Variants in OTUD4 observed in about 807,000 individuals in gnomAD.
OTUD4 encodes the protein OTU domain-containing protein 4.
In OTUD4, 24 loss-of-function variants were observed where a neutral mutation model predicts 130.4. That is an observed-to-expected ratio of 0.18 (90% CI 0.13 to 0.26). The LOEUF is 0.26. Ranked by LOEUF, OTUD4 falls within the 10% of genes least tolerant of loss-of-function variation. OTUD4 has a pLI of 1.00. For missense variants in OTUD4, 1,031 were observed against 1,329.4 expected (o/e 0.78, Z 3.49); for synonymous variants, 420 against 472.5 (o/e 0.89, Z 1.44).
chr4:145,141,321 C>A, intron 19 of OTUD4, 58 bp downstream of exon 19: 1 of 1,468,704 alleles, frequency 6.8e-7, no homozygotes, highest in Non-Finnish European at 9.1e-7. Context: ...CTCTTCATTT[C>A]TTAACTAAGC....
chr4:145,173,521 A>T (rs1752279898), intron 2 of OTUD4, among the ~76,000 whole-genome samples: 1 of 152,240 alleles, frequency 6.6e-6, no homozygotes, highest in South Asian at 2.1e-4. Context: ...TCTGGGGCCA[A>T]TGATTAATAA....
In OTUD4 at chr4:145,159,220, A is replaced by G. The variant is rs1420200735; in HGVS notation, c.629+283T>C. ...TTAACTTTAAAATTTTACAATACAC[A>G]CACATATAGGTAGGACCAAATTTAT... On this transcript the variant is annotated intron_variant, in intron 7 of 20. Coordinates refer to ENST00000447906, the MANE Select transcript of OTUD4 (RefSeq NM_001366057.1). The G allele has an allele frequency of 5.3e-6, 6 of 1,136,918 alleles. No homozygotes were observed. In the African/African-American group the frequency reaches 8.2e-5, roughly 16 times the overall value. The allele number at this position is 1,136,918 out of a possible 1,614,324, so 70.4% of individuals were successfully genotyped here.
intron 1 of OTUD4, among the ~76,000 whole-genome samples, chr4:145,179,178 A>T (rs943959214): frequency 1.1e-4 from 16 of 152,302 alleles, no homozygotes; most frequent in Admixed American, 1.3e-4. Context: ...AGGCTTTTTT[A>T]AAAAAGTCAG....
chr4:145,155,154 A>G (rs1442743593), intron 10 of OTUD4, among the ~76,000 whole-genome samples: 1 of 152,240 alleles, frequency 6.6e-6, no homozygotes, highest in Non-Finnish European at 1.5e-5. Flanking sequence ...CTTTGAACCA[A>G]GTAATACCAA....
chr4:145,145,529 C>A (rs1367374078), intron 14 of OTUD4, among the ~76,000 whole-genome samples: 1 of 152,048 alleles, frequency 6.6e-6, no homozygotes, highest in Non-Finnish European at 1.5e-5. Context: ...CCGTAACAGT[C>A]CATTATTTAT....
rs147236665 is a variant in OTUD4 at position 145,141,451 on chromosome 4, A to C, written c.2011T>G (p.Cys671Gly). 6 of 1,613,596 alleles carry C rather than the reference A, an allele frequency of 3.7e-6. No individual in the cohort carries two copies. Among genetic ancestry groups the C allele is most frequent in the Non-Finnish European group, 5.1e-6 (6 of 1,179,750 alleles). The change falls in exon 19 of 21, where the codon TGT becomes GGT. Residue 671 changes from cysteine to glycine, a missense_variant. Coordinates refer to ENST00000447906, the MANE Select transcript of OTUD4 (RefSeq NM_001366057.1). ...YQDPLYPGFP[C>G]NEKGDRAIVP... Reference sequence around the variant, plus strand: ...ATGGCTCGATCTCCCTTTTCATTACAAGGAAACCCAGGATAGAGTGGGTCT... The same window carrying C: ...ATGGCTCGATCTCCCTTTTCATTACCAGGAAACCCAGGATAGAGTGGGTCT...
At chr4:145,142,790 T>C (rs1168449042) in intron 17 of OTUD4, among the ~76,000 whole-genome samples, 2 of 152,284 alleles carry the variant, frequency 1.3e-5, no homozygotes, top group Admixed American at 6.5e-5. Context: ...TGTAACTATA[T>C]GCTTTCTTAC....
intron 2 of OTUD4, among the ~76,000 whole-genome samples, chr4:145,172,509 C>A (rs930734937): frequency 1.3e-5 from 2 of 152,186 alleles, no homozygotes; most frequent in African/African-American, 4.8e-5. Context: ...AATAACACAA[C>A]CTTTTTTATG....
chr4:145,142,232 C>A lies in OTUD4; in HGVS notation c.1786G>T (p.Ala596Ser). ...AAAGTTGTAGGTTCACTTGGCCAGG[C>A]TGGCACAGTGGCTGGTAAAGAAGGC... ...AVPSLPATVPAWPSEPTTFGP... is the reference protein window; with the variant it reads ...AVPSLPATVPSWPSEPTTFGP... Residue 596 changes from alanine to serine, a missense_variant, in exon 18 of 21, where the codon GCC becomes TCC. By Grantham distance (99) the Ala-to-Ser change is moderately conservative. Transcript: ENST00000447906. 6.2e-7 allele frequency: 1 copy of A among 1,614,048 alleles called. No homozygotes were observed. Among genetic ancestry groups the A allele is most frequent in the East Asian group, 2.2e-5 (1 of 44,870 alleles).
rs1338013438 is a variant in OTUD4 at position 145,155,315 on chromosome 4, TAAC to T, written c.873+93_873+95del. 4.4e-6 allele frequency: 4 copies of T among 909,740 alleles called. No individual in the cohort carries two copies. The African/African-American group carries it at 6.7e-5, about 15-fold the overall frequency. 56.4% of individuals were successfully genotyped at this position (909,740 alleles called of 1,614,324 possible). The stretch of plus-strand genomic sequence containing the variant: ...ATAAATATATTCTGAAATCCCAAAT[TAAC>T]AACACATTCACACCTCAGCTGTTTT... On this transcript the variant is annotated intron_variant, in intron 10 of 20. Transcript: ENST00000447906.
At chr4:145,167,459 C>A (rs374647902) in intron 3 of OTUD4, among the ~76,000 whole-genome samples, 14 of 152,286 alleles carry the variant, frequency 9.2e-5, no homozygotes, top group South Asian at 4.1e-4. Flanking sequence ...AGAAGTGATA[C>A]CCTCTGGTGT....
intron 7 of OTUD4, 120 bp downstream of exon 7, chr4:145,159,376 CTGTATTT>C (rs1338232981): frequency 2.0e-6 from 3 of 1,530,706 alleles, no homozygotes; most frequent in Non-Finnish European, 2.6e-6. Flanking sequence ...CAGCAGACTG[CTGTATTT>C]TATGAATACC....
chr4:145,145,861 T>C (rs1005539073), intron 14 of OTUD4, among the ~76,000 whole-genome samples: 1 of 152,242 alleles, frequency 6.6e-6, no homozygotes, highest in African/African-American at 2.4e-5. Flanking sequence ...TGACATGTGC[T>C]ACCACCTCCA....
chr4:145,145,258 A>T (rs1750764619), intron 14 of OTUD4, among the ~76,000 whole-genome samples: 1 of 152,228 alleles, frequency 6.6e-6, no homozygotes, highest in Admixed American at 6.5e-5. Context: ...ATAACACATG[A>T]CATGAGAGAT....
intron 2 of OTUD4, among the ~76,000 whole-genome samples, chr4:145,172,410 T>G (rs751311474): frequency 7.9e-5 from 12 of 152,358 alleles, no homozygotes; most frequent in Non-Finnish European, 1.2e-4. Context: ...GCGAAAAATA[T>G]TTTGAAGCAT....
intron 7 of OTUD4, among the ~76,000 whole-genome samples, chr4:145,157,441 C>A (rs919004607): frequency 2.0e-5 from 3 of 152,158 alleles, no homozygotes; most frequent in Non-Finnish European, 4.4e-5. Flanking sequence ...GTAATCCCAA[C>A]ACTTTGGGAG....
Position 145,143,402 on chromosome 4 carries a change from T to C in OTUD4, c.1646A>G (p.Lys549Arg). 6.2e-7 allele frequency: 1 copy of C among 1,611,606 alleles called. No homozygotes were observed. Among genetic ancestry groups the C allele is most frequent in the Admixed American group, 1.7e-5 (1 of 59,958 alleles). The change falls in exon 17 of 21, where the codon AAG becomes AGG. Residue 549 changes from lysine to arginine, a missense_variant. Lys to Arg is a conservative substitution (Grantham distance 26). Transcript: ENST00000447906. ...AGAAGGGCACTCTAACTTCTTTGAC[T>C]TTGATGGTGATGAAACTGTTGCATA... ...DKYATVSSPS[K>R]SKKLECPSPA...
intron 20 of OTUD4, among the ~76,000 whole-genome samples, chr4:145,139,035 G>C (rs1308726405): frequency 2.0e-5 from 3 of 152,126 alleles, no homozygotes; most frequent in Admixed American, 2.0e-4. Flanking sequence ...AAGAGTAGAT[G>C]ATCTCCAATG....
rs538364752 is a variant in OTUD4, at chr4:145,149,332, T to C, written c.1259+1181A>G. Among the ~76,000 whole-genome samples the C allele has an allele frequency of 4.6e-5, 7 of 152,284 alleles. No homozygotes were observed. The South Asian group carries it at 1.5e-3, about 32-fold the overall frequency. Reference sequence around the variant, plus strand: ...TCCCCTAGAGCCTTCGGAGACAGCATGGCCCTGGCAACAACTTGATTTCAG... The same window carrying C: ...TCCCCTAGAGCCTTCGGAGACAGCACGGCCCTGGCAACAACTTGATTTCAG... On this transcript the variant is annotated intron_variant, in intron 13 of 20. Transcript: ENST00000447906.
Sources: allele counts gnomAD v4.1 joint callset (sites outside exome capture counted in the v4.1 genomes callset), GRCh38; gene constraint gnomAD v4.1.1; transcripts MANE v1.5; gene names NCBI Gene and HGNC (gene_info 2026-07-23, HGNC 2026-07-21).